FAM120A: variants seen among roughly 807,000 people sequenced by gnomAD.
The protein encoded by FAM120A is family with sequence similarity 120 member A.
In FAM120A, 15 loss-of-function variants were observed where a neutral mutation model predicts 109.7. The observed-to-expected ratio is 0.14, with a 90% CI of 0.09 to 0.21. The LOEUF (loss-of-function observed/expected upper bound fraction) is 0.21, where lower values mean the gene tolerates loss of function less well. Ranked by LOEUF, FAM120A falls within the 10% of genes least tolerant of loss-of-function variation. The pLI, the probability that FAM120A is intolerant of heterozygous loss-of-function variation, is 1.00. For synonymous variants in FAM120A, 493 were observed against 572.8 expected (o/e 0.86, Z 1.99); for missense variants, 899 against 1,439.3 (o/e 0.62, Z 6.07).
chr9:93,558,470 C>G (rs1027554748), intron 14 of FAM120A, 111 bp from the exon 15 acceptor site: 2 of 1,359,574 alleles, frequency 1.5e-6, no homozygotes, highest in East Asian at 4.6e-5. Flanking sequence ...GGCCAGGAGA[C>G]CCCTCCATGG....
chr9:93,534,925 C>T (rs540947064), intron 10 of FAM120A, among the ~76,000 whole-genome samples: 2 of 152,114 alleles, frequency 1.3e-5, no homozygotes, highest in South Asian at 4.1e-4. Context: ...GGACAGAGGC[C>T]CAGCCAGCTG....
At chr9:93,518,274 AG>A (rs76371585) in intron 7 of FAM120A, among the ~76,000 whole-genome samples, 4,313 of 152,218 alleles carry the variant, frequency 0.028, 90 homozygotes, top group East Asian at 0.07. Context: ...TGGCAGGTGC[AG>A]GGGTATGACG....
intron 7 of FAM120A, among the ~76,000 whole-genome samples, chr9:93,522,458 T>C (rs1401227390): frequency 6.6e-6 from 1 of 152,258 alleles, no homozygotes; most frequent in Non-Finnish European, 1.5e-5. Context: ...TCTTTTATCC[T>C]TAATATACTT....
intron 3 of FAM120A, among the ~76,000 whole-genome samples, chr9:93,479,674 C>T (rs969488124): frequency 2.0e-5 from 3 of 152,120 alleles, no homozygotes; most frequent in African/African-American, 7.2e-5. Context: ...TATGTGATTC[C>T]AAATCTTCAG....
Position 93,516,129 on chromosome 9 carries a change from G to A in FAM120A, c.1278G>A (p.Lys426=), listed in dbSNP as rs780658470. Residue 426 remains lysine (K), a synonymous_variant, in exon 7 of 18, where the codon AAG becomes AAA. Transcript: ENST00000277165. ...ACAGCAACATTCCTCACGAAGGGAA[G>A]CACACGCCGCTGTATGAGCGGTCCT... ...NSYSNIPHEG[K]HTPLYERSSP... is the part of the protein sequence containing the mutation. The A allele has an allele frequency of 1.4e-5, 22 of 1,613,812 alleles. 1 individual carries two copies. The South Asian group carries it at 2.2e-4, about 16-fold the overall frequency.
chr9:93,509,582 C>T (rs993163597), intron 5 of FAM120A, among the ~76,000 whole-genome samples: 1 of 152,160 alleles, frequency 6.6e-6, no homozygotes, highest in Admixed American at 6.5e-5. Context: ...TATACTATTG[C>T]AGTATTTTAC....
At chr9:93,488,237 T>G (rs1451638835) in intron 3 of FAM120A, among the ~76,000 whole-genome samples, 3 of 152,174 alleles carry the variant, frequency 2.0e-5, no homozygotes, top group African/African-American at 7.2e-5. Flanking sequence ...ATCTTGTGTT[T>G]CCAATGGTAG....
chr9:93,470,206 T>G (rs980464326), intron 1 of FAM120A, among the ~76,000 whole-genome samples: 5 of 152,346 alleles, frequency 3.3e-5, no homozygotes, highest in Middle Eastern at 3.4e-3. Flanking sequence ...GTTCTCAAAA[T>G]TACCTTATCC....
intron 11 of FAM120A, among the ~76,000 whole-genome samples, chr9:93,546,196 CTT>C (rs1861883583): frequency 6.6e-6 from 1 of 152,058 alleles, no homozygotes; most frequent in African/African-American, 2.4e-5. Context: ...AAGTTTAAGA[CTT>C]TGGATTCTGT....
At chr9:93,506,875 G>A (rs769467374) in intron 5 of FAM120A, among the ~76,000 whole-genome samples, 3 of 152,014 alleles carry the variant, frequency 2.0e-5, no homozygotes, top group Non-Finnish European at 4.4e-5. Context: ...TCCACAAATG[G>A]ACAGGTGTGA....
intron 1 of FAM120A, among the ~76,000 whole-genome samples, chr9:93,454,001 A>G (rs886540934): frequency 1.3e-5 from 2 of 152,226 alleles, no homozygotes; most frequent in African/African-American, 2.4e-5. Flanking sequence ...ATGTATGCAT[A>G]TGGTCACTGT....
intron 1 of FAM120A, among the ~76,000 whole-genome samples, chr9:93,460,527 G>A (rs189969891): frequency 1.6e-4 from 24 of 152,264 alleles, no homozygotes; most frequent in Non-Finnish European, 2.9e-4. Context: ...AGTAGAGACA[G>A]GGTTTCACTA....
intron 1 of FAM120A, among the ~76,000 whole-genome samples, chr9:93,462,069 A>T (rs1232052131): frequency 1.3e-5 from 2 of 152,224 alleles, no homozygotes; most frequent in African/African-American, 2.4e-5. Flanking sequence ...AAACTATTAC[A>T]TACATCCTAA....
chr9:93,505,598 A>T (rs1019396976), intron 5 of FAM120A, among the ~76,000 whole-genome samples: 1 of 152,184 alleles, frequency 6.6e-6, no homozygotes, highest in African/African-American at 2.4e-5. Flanking sequence ...GGATGAAATG[A>T]TGTCATGTCT....
chr9:93,451,889 ACCCGCG>A lies in FAM120A; in HGVS notation c.-17_-12del, dbSNP rs1169884209. ...CCCGGCCCCGCCGCCCCCCGCCCGC[ACCCGCG>A]CCCGCGCCCCCGCCGCCGCCATGGG... On this transcript the variant is annotated 5_prime_UTR_variant, in exon 1 of 18. Coordinates refer to ENST00000277165, the MANE Select transcript of FAM120A (RefSeq NM_014612.5). 49 of 1,129,542 alleles carry A rather than the reference ACCCGCG, an allele frequency of 4.3e-5. No homozygotes were observed. The highest frequency in any genetic ancestry group is 3.9e-4 in the South Asian group (11 of 28,204). The allele number at this position is 1,129,542 out of a possible 1,614,324, so 70.0% of individuals were successfully genotyped here.
intron 10 of FAM120A, among the ~76,000 whole-genome samples, chr9:93,537,137 G>T (rs1312432015): frequency 6.6e-6 from 1 of 152,218 alleles, no homozygotes; most frequent in African/African-American, 2.4e-5. Flanking sequence ...CCTGCACCTT[G>T]CAAAAATACA....
At chr9:93,476,526 C>A (rs1254681551) in intron 3 of FAM120A, among the ~76,000 whole-genome samples, 188 bp downstream of exon 3, 1 of 152,176 alleles carries the variant, frequency 6.6e-6, no homozygotes, top group South Asian at 2.1e-4. Flanking sequence ...GTTCTCAACA[C>A]CTATATGTTA....
intron 7 of FAM120A, among the ~76,000 whole-genome samples, chr9:93,518,860 G>A (rs1860722652): frequency 1.3e-5 from 2 of 152,200 alleles, no homozygotes; most frequent in African/African-American, 2.4e-5. Flanking sequence ...CCCACGGGCC[G>A]CACGCAGCAC....
intron 11 of FAM120A, among the ~76,000 whole-genome samples, chr9:93,545,318 T>C (rs1016592435): frequency 4.6e-5 from 7 of 152,354 alleles, no homozygotes; most frequent in South Asian, 4.1e-4. Context: ...CTATATCTCA[T>C]TGAAAACAGT....
Sources: allele counts gnomAD v4.1 joint callset (sites outside exome capture counted in the v4.1 genomes callset), GRCh38; gene constraint gnomAD v4.1.1; transcripts MANE v1.5; gene names NCBI Gene and HGNC (gene_info 2026-07-23, HGNC 2026-07-21).